Variants in SGMS1 observed in about 807,000 individuals in gnomAD.
SGMS1 encodes phosphatidylcholine:ceramide cholinephosphotransferase 1.
A neutral mutation model predicts 46.2 loss-of-function variants in SGMS1; 13 were observed. The ratio of observed to expected loss-of-function variants is 0.28; its 90% CI spans 0.18 to 0.45. SGMS1 has a LOEUF of 0.45. SGMS1 is among the 20% of genes least tolerant of loss of function. The pLI is 1.00. For missense variants in SGMS1, 324 were observed against 519.9 expected, an observed-to-expected ratio of 0.62 and a Z score of 3.66; for synonymous variants, 203 against 187.8, an observed-to-expected ratio of 1.08 and a Z score of -0.66.
chr10:50,528,942 AG>A (rs1237933058), intron 2 of SGMS1, among the ~76,000 whole-genome samples: 1 of 152,272 alleles, frequency 6.6e-6, no homozygotes, highest in African/African-American at 2.4e-5. Flanking sequence ...CAGTTCAGTC[AG>A]AATGTCCCTT....
intron 8 of SGMS1, among the ~76,000 whole-genome samples, chr10:50,318,439 T>G (rs1421120189): frequency 2.0e-5 from 3 of 152,188 alleles, no homozygotes; most frequent in Non-Finnish European, 4.4e-5. Context: ...TAAAATAAAG[T>G]GTTATACAAA....
At chr10:50,624,142 C>G (rs117575369), upstream of SGMS1, 6,476 of 985,184 alleles carry the variant, frequency 6.6e-3, 33 homozygotes, top group Non-Finnish European at 6.6e-3. Context: ...TTGAATTTTA[C>G]TTTCAAGTAA....
chr10:50,428,655 T>C (rs1284284881), intron 6 of SGMS1, among the ~76,000 whole-genome samples: 1 of 152,150 alleles, frequency 6.6e-6, no homozygotes, highest in East Asian at 1.9e-4. Flanking sequence ...TTTACAACTA[T>C]CCTAGCAATG....
At chr10:50,567,862 TTTC>T in intron 2 of SGMS1, among the ~76,000 whole-genome samples, 1 of 152,240 alleles carries the variant, frequency 6.6e-6, no homozygotes, top group South Asian at 2.1e-4. Context: ...AATCCTTGGA[TTTC>T]AGACTTTCCA....
intron 6 of SGMS1, among the ~76,000 whole-genome samples, chr10:50,381,309 A>C (rs1273221115): frequency 6.6e-6 from 1 of 152,020 alleles, no homozygotes; most frequent in Non-Finnish European, 1.5e-5. Context: ...AATCCGTAAC[A>C]TTCTGGAAAA....
At chr10:50,610,114 G>T (rs947357432) in intron 1 of SGMS1, among the ~76,000 whole-genome samples, 7 of 152,088 alleles carry the variant, frequency 4.6e-5, no homozygotes, top group African/African-American at 1.7e-4. Flanking sequence ...AAGTCAAATG[G>T]TCTTCCAGTG....
chr10:50,554,622 C>T (rs1838175469), intron 2 of SGMS1, among the ~76,000 whole-genome samples: 1 of 152,138 alleles, frequency 6.6e-6, no homozygotes, highest in Admixed American at 6.5e-5. Flanking sequence ...ATGCAGGCAC[C>T]GAGAAGGTTC....
intron 6 of SGMS1, among the ~76,000 whole-genome samples, chr10:50,349,951 G>A (rs995078643): frequency 3.9e-5 from 6 of 152,356 alleles, no homozygotes; most frequent in African/African-American, 1.2e-4. Context: ...ATGTGGAAGC[G>A]ACTTTGGAAC....
Position 50,544,405 on chromosome 10 carries a change from T to C in SGMS1, c.-588-24484A>G, listed in dbSNP as rs191379633. 7.2e-5 allele frequency among the ~76,000 whole-genome samples: 11 copies of C among 152,346 alleles called. No homozygotes were observed. The East Asian group carries it at 2.1e-3, about 29-fold the overall frequency. The stretch of plus-strand genomic sequence containing the variant: ...CTGCATGTATATATTTAATGCTACA[T>C]TAACCAGGACATTATCTTGCTTCGG... On this transcript the variant is annotated intron_variant, in intron 2 of 10. Transcript: ENST00000361781.
chr10:50,464,125 T>C (rs554359249), intron 4 of SGMS1, among the ~76,000 whole-genome samples: 31 of 152,318 alleles, frequency 2.0e-4, no homozygotes, highest in Middle Eastern at 3.4e-3. Context: ...AATGTGTACA[T>C]AGTTAACACT....
At chr10:50,340,125 G>T (rs1301032776) in intron 7 of SGMS1, among the ~76,000 whole-genome samples, 1 of 152,196 alleles carries the variant, frequency 6.6e-6, no homozygotes, top group Non-Finnish European at 1.5e-5. Flanking sequence ...CTGGTTTCAT[G>T]CAAGTTGAGT....
At chr10:50,325,390 T>C (rs1847515339) in intron 8 of SGMS1, among the ~76,000 whole-genome samples, 1 of 152,222 alleles carries the variant, frequency 6.6e-6, no homozygotes. Flanking sequence ...TGTGCTAATA[T>C]TTCACCTCCT....
intron 3 of SGMS1, among the ~76,000 whole-genome samples, chr10:50,510,021 T>C (rs765342423): frequency 3.3e-5 from 5 of 152,166 alleles, no homozygotes; most frequent in Non-Finnish European, 7.4e-5. Context: ...ACATTTCATT[T>C]ATCTCAAAAA....
chr10:50,316,165 C>T (rs1847335069), intron 8 of SGMS1, among the ~76,000 whole-genome samples: 1 of 152,144 alleles, frequency 6.6e-6, no homozygotes, highest in Non-Finnish European at 1.5e-5. Flanking sequence ...TACTTCAGCC[C>T]CATTAGGAGG....
At chr10:50,324,732 G>A (rs7094121) in intron 8 of SGMS1, among the ~76,000 whole-genome samples, 34,284 of 152,100 alleles carry the variant, frequency 0.23, 3,991 homozygotes, top group East Asian at 0.31. Flanking sequence ...AGTCTGCAGA[G>A]CCAACTTTCT....
At chr10:50,422,867 C>T (rs138639936) in intron 6 of SGMS1, among the ~76,000 whole-genome samples, 225 of 152,320 alleles carry the variant, frequency 1.5e-3, no homozygotes, top group African/African-American at 5.2e-3. Context: ...CGTTACCACC[C>T]GCACACACAT....
chr10:50,624,966 A>C (rs1281287717), upstream of SGMS1: 2 of 1,037,520 alleles, frequency 1.9e-6, no homozygotes, highest in East Asian at 1.1e-4. Flanking sequence ...CCGCCCGGCC[A>C]TCGGGCCGCG....
chr10:50,580,313 A>G (rs1838421152), intron 2 of SGMS1, among the ~76,000 whole-genome samples: 1 of 152,164 alleles, frequency 6.6e-6, no homozygotes, highest in African/African-American at 2.4e-5. Flanking sequence ...CTACAATTTA[A>G]AAAGAGACGA....
intron 2 of SGMS1, among the ~76,000 whole-genome samples, chr10:50,523,202 C>T (rs1837871476): frequency 2.0e-5 from 3 of 152,168 alleles, no homozygotes; most frequent in African/African-American, 7.2e-5. Flanking sequence ...AAGACCAGCA[C>T]CCATTACTTC....
Sources: allele counts gnomAD v4.1 joint callset (sites outside exome capture counted in the v4.1 genomes callset), GRCh38; gene constraint gnomAD v4.1.1; transcripts MANE v1.5; gene names NCBI Gene and HGNC (gene_info 2026-07-23, HGNC 2026-07-21).